Variants in GRM5 observed in about 807,000 individuals in gnomAD.
GRM5 encodes glutamate metabotropic receptor 5, also known as metabotropic glutamate receptor 5.
A neutral mutation model predicts 83.1 loss-of-function variants in GRM5; 19 were observed. That is an observed-to-expected ratio of 0.23 (90% confidence interval 0.16 to 0.34). GRM5 has a LOEUF of 0.34. Ranked by LOEUF, GRM5 falls within the 10% of genes least tolerant of loss-of-function variation. GRM5 has a pLI of 1.00. For missense variants in GRM5, 1,160 were observed against 1,588.3 expected (o/e 0.73, Z 4.58); for synonymous variants, 675 against 633.6 (o/e 1.07, Z -0.98).
At chr11:88,848,877 C>T (rs1421310529) in intron 3 of GRM5, among the ~76,000 whole-genome samples, 1 of 152,132 alleles carries the variant, frequency 6.6e-6, no homozygotes, top group Admixed American at 6.5e-5. Flanking sequence ...TTCAAACAAT[C>T]AACTGAAGAC....
chr11:88,973,064 T>C (rs1939217457), intron 2 of GRM5, among the ~76,000 whole-genome samples: 1 of 152,142 alleles, frequency 6.6e-6, no homozygotes, highest in African/African-American at 2.4e-5. Context: ...ATTAAAGAGA[T>C]ATGACAATGA....
At chr11:88,810,417 C>T (rs1398326620) in intron 3 of GRM5, among the ~76,000 whole-genome samples, 1 of 152,000 alleles carries the variant, frequency 6.6e-6, no homozygotes, top group Non-Finnish European at 1.5e-5. Flanking sequence ...GTACAAACAT[C>T]TGTAGCTACA....
chr11:88,782,708 C>T (rs1185873659), intron 3 of GRM5, among the ~76,000 whole-genome samples: 1 of 152,118 alleles, frequency 6.6e-6, no homozygotes, highest in Non-Finnish European at 1.5e-5. Context: ...CTTTAGGTTT[C>T]ACCATGTTAT....
At chr11:88,546,967 T>A (rs1271209397) in intron 8 of GRM5, among the ~76,000 whole-genome samples, 1 of 152,144 alleles carries the variant, frequency 6.6e-6, no homozygotes, top group Non-Finnish European at 1.5e-5. Flanking sequence ...TGGTCAGATG[T>A]ATTGGTTTCT....
chr11:88,909,689 G>A (rs1165879611), intron 2 of GRM5, among the ~76,000 whole-genome samples: 4 of 151,944 alleles, frequency 2.6e-5, no homozygotes, highest in Non-Finnish European at 5.9e-5. Context: ...AAGATGCAGA[G>A]GGTGTGCCTT....
intron 2 of GRM5, among the ~76,000 whole-genome samples, chr11:88,994,445 TTATA>T (rs58154444): frequency 0.29 from 25,066 of 86,584 alleles, 2,812 homozygotes; most frequent in Non-Finnish European, 0.36. Flanking sequence ...CTTTAACTGA[TTATA>T]TATATATATA....
At chr11:88,723,181 G>A (rs375871102) in intron 3 of GRM5, among the ~76,000 whole-genome samples, 1 of 151,024 alleles carries the variant, frequency 6.6e-6, no homozygotes, top group East Asian at 1.9e-4. Context: ...TGCTCTCAAG[G>A]CTCCTCCATG....
rs537717916 is a variant in GRM5, at chr11:88,615,317, C to G, written c.1148-10353G>C. On this transcript the variant is annotated intron_variant, in intron 4 of 9. Coordinates refer to ENST00000305447, the MANE Select transcript of GRM5 (RefSeq NM_001143831.3). Reference sequence around the variant, plus strand: ...AAACCAACAAAATACCAGAAGAGAACAAATAGAAGTTTAACTTTTGTAATT... The same window carrying G: ...AAACCAACAAAATACCAGAAGAGAAGAAATAGAAGTTTAACTTTTGTAATT... Among the ~76,000 whole-genome samples, 47 of 152,078 alleles carry G rather than the reference C, an allele frequency of 3.1e-4. No homozygotes were observed. In the South Asian group the frequency reaches 9.8e-3, roughly 32 times the overall value.
chr11:88,794,393 G>C (rs1008065358), intron 3 of GRM5, among the ~76,000 whole-genome samples: 2 of 152,110 alleles, frequency 1.3e-5, no homozygotes, highest in African/African-American at 4.8e-5. Context: ...ATTTACCATG[G>C]CTTAAAATTC....
intron 3 of GRM5, among the ~76,000 whole-genome samples, chr11:88,848,371 T>C (rs532239507): frequency 1.7e-4 from 26 of 152,304 alleles, no homozygotes; most frequent in East Asian, 1.5e-3. Flanking sequence ...ATGGCTGTCA[T>C]AAAATGTATC....
chr11:88,524,181 C>CTTTTTCT (rs1941790437), intron 9 of GRM5: 1 of 108,228 alleles, frequency 9.2e-6, no homozygotes, highest in Non-Finnish European at 2.0e-5. Context: ...CTTTTCTTTT[C>CTTTTTCT]TTTTTTCTTT....
At chr11:88,698,534 G>A (rs981230892) in intron 3 of GRM5, among the ~76,000 whole-genome samples, 5 of 152,092 alleles carry the variant, frequency 3.3e-5, no homozygotes, top group East Asian at 1.9e-4. Context: ...AGCACAATGG[G>A]CTCAAGAAGA....
intron 2 of GRM5, among the ~76,000 whole-genome samples, chr11:88,864,349 CAGA>C (rs1433481305): frequency 1.3e-5 from 2 of 151,686 alleles, no homozygotes; most frequent in Non-Finnish European, 2.9e-5. Context: ...AGTGGCGCTC[CAGA>C]AGGATACAAT....
intron 2 of GRM5, among the ~76,000 whole-genome samples, chr11:88,997,448 A>G (rs1446974815): frequency 6.6e-6 from 1 of 151,810 alleles, no homozygotes; most frequent in Non-Finnish European, 1.5e-5. Flanking sequence ...AAAATAATAA[A>G]TATAATAACA....
intron 8 of GRM5, among the ~76,000 whole-genome samples, chr11:88,558,977 T>A (rs1001458606): frequency 4.6e-5 from 7 of 151,844 alleles, no homozygotes; most frequent in Non-Finnish European, 8.8e-5. Context: ...TAATAAAAGT[T>A]TATAATAAAA....
intron 2 of GRM5, among the ~76,000 whole-genome samples, chr11:88,984,291 T>C (rs1040686309): frequency 6.6e-6 from 1 of 152,206 alleles, no homozygotes; most frequent in African/African-American, 2.4e-5. Flanking sequence ...TTTTATATTG[T>C]ATTTTTACTG....
chr11:88,865,276 G>C (rs2221119), intron 2 of GRM5, among the ~76,000 whole-genome samples: 70,381 of 151,774 alleles, frequency 0.46, 16,675 homozygotes, highest in East Asian at 0.64. Flanking sequence ...ACCACCTGAT[G>C]TTTGACAAAC....
intron 3 of GRM5, among the ~76,000 whole-genome samples, chr11:88,723,167 A>T (rs1941587454): frequency 6.6e-6 from 1 of 151,700 alleles, no homozygotes; most frequent in Non-Finnish European, 1.5e-5. Flanking sequence ...TTCTCATAGC[A>T]ATATGCTCTC....
At chr11:88,985,311 T>C (rs1053866328) in intron 2 of GRM5, among the ~76,000 whole-genome samples, 6 of 152,140 alleles carry the variant, frequency 3.9e-5, no homozygotes, top group Non-Finnish European at 8.8e-5. Context: ...AAAAATCCTT[T>C]GAATGATTTC....
Sources: gnomAD v4.1 joint callset for allele counts (sites outside exome capture counted in the v4.1 genomes callset) on GRCh38, gnomAD v4.1.1 for gene constraint, MANE v1.5 for transcripts, NCBI Gene and HGNC (gene_info 2026-07-23, HGNC 2026-07-21) for gene names.